MTTP: variants seen among roughly 807,000 people sequenced by gnomAD.
MTTP encodes microsomal triglyceride transfer protein.
In MTTP, 49 loss-of-function variants were observed where a neutral mutation model predicts 90.6. That is an observed-to-expected ratio of 0.54 (90% CI 0.43 to 0.69). The LOEUF (loss-of-function observed/expected upper bound fraction) is 0.69, where lower values mean the gene tolerates loss of function less well. Among genes scored for constraint, MTTP ranks in the 30% least tolerant of loss-of-function variants. The pLI, the probability that MTTP is intolerant of heterozygous loss-of-function variation, is 0.00. For missense variants in MTTP, 945 were observed against 1,067.5 expected, an observed-to-expected ratio of 0.89 and a Z score of 1.60; for synonymous variants, 347 against 384.2, an observed-to-expected ratio of 0.90 and a Z score of 1.13.
rs1726284240 is a variant in MTTP, at chr4:99,623,168, A to C, written c.*320A>C. On this transcript the variant is annotated 3_prime_UTR_variant, in exon 18 of 18. Coordinates refer to ENST00000265517, the MANE Select transcript of MTTP (RefSeq NM_001386140.1). The stretch of plus-strand genomic sequence containing the variant: ...GTTTGTTAAAAACAAAAATAAAAAC[A>C]AAACCACACAAGGAGAACCCAATTT... 2.7e-6 allele frequency: 1 copy of C among 365,790 alleles called. No homozygotes were observed. The highest frequency in any genetic ancestry group is 2.6e-5 in the South Asian group (1 of 38,184). The allele number at this position is 365,790 out of a possible 1,614,324, so 22.7% of individuals were successfully genotyped here. A position where few individuals can be genotyped will look rare whatever the true frequency, so the allele number is the denominator to read the frequency against.
At chr4:99,619,386 A>G (rs1726176937) in intron 16 of MTTP, among the ~76,000 whole-genome samples, 1 of 152,178 alleles carries the variant, frequency 6.6e-6, no homozygotes, top group Non-Finnish European at 1.5e-5. Context: ...TTGGTATTCC[A>G]CCAAGAGAAG....
At chr4:99,594,456 T>C (rs767465431) in intron 6 of MTTP, among the ~76,000 whole-genome samples, 12 of 152,198 alleles carry the variant, frequency 7.9e-5, no homozygotes, top group Non-Finnish European at 1.8e-4. Context: ...ACATTGCATA[T>C]CTTATTCATC....
At chr4:99,617,011 G>T (rs1323555704) in intron 15 of MTTP, among the ~76,000 whole-genome samples, 1 of 152,134 alleles carries the variant, frequency 6.6e-6, no homozygotes, top group Non-Finnish European at 1.5e-5. Flanking sequence ...AGAAAAAGAT[G>T]CAAAGAAAGG....
chr4:99,575,478 G>A (rs1017809527), intron 1 of MTTP, among the ~76,000 whole-genome samples: 1 of 151,894 alleles, frequency 6.6e-6, no homozygotes, highest in African/African-American at 2.4e-5. Context: ...ATTTAATTCC[G>A]TTACAATTAA....
In MTTP at chr4:99,623,399, A is replaced by G. The variant is rs908026343; in HGVS notation, c.*551A>G. Reference sequence around the variant, plus strand: ...TTAAAAGACTTGTTAGCCAACTTCAAGAATTAATATTTATGTCTCTGTTAT... The same window carrying G: ...TTAAAAGACTTGTTAGCCAACTTCAGGAATTAATATTTATGTCTCTGTTAT... On this transcript the variant is annotated 3_prime_UTR_variant, in exon 18 of 18. Coordinates refer to ENST00000265517, the MANE Select transcript of MTTP (RefSeq NM_001386140.1). The G allele has an allele frequency of 6.3e-6, 1 of 159,540 alleles. No homozygotes were observed. The highest frequency in any genetic ancestry group is 1.4e-5 in the Non-Finnish European group (1 of 72,602). The allele number at this position is 159,540 out of a possible 1,614,324, so 9.9% of individuals were successfully genotyped here. A position where few individuals can be genotyped will look rare whatever the true frequency, so the allele number is the denominator to read the frequency against.
Position 99,594,841 on chromosome 4 carries a change from T to G in MTTP, c.867T>G (p.Ile289Met). ...ATTCAAAGTACACGGCCATTCCCATTGTGGGGCAGGTCTTCCAGAGCCACT... is the reference window on the plus strand; with the variant it reads ...ATTCAAAGTACACGGCCATTCCCATGGTGGGGCAGGTCTTCCAGAGCCACT... ...AVDSKYTAIP[I>M]VGQVFQSHCK... The change falls in exon 7 of 18, where the codon ATT becomes ATG. Residue 289 changes from isoleucine (I) to methionine (M), a missense_variant. Coordinates refer to ENST00000265517, the MANE Select transcript of MTTP (RefSeq NM_001386140.1). The G allele has an allele frequency of 6.2e-7, 1 of 1,614,018 alleles. No homozygotes were observed. The highest frequency in any genetic ancestry group is 8.5e-7 in the Non-Finnish European group (1 of 1,179,916).
At chr4:99,597,557 T>G (rs77290806) in intron 8 of MTTP, among the ~76,000 whole-genome samples, 3,536 of 152,284 alleles carry the variant, frequency 0.023, 107 homozygotes, top group Middle Eastern at 0.096. Flanking sequence ...GTTTTTGAAA[T>G]TATGTTCCTC....
At chr4:99,565,330 G>T (rs370785544) in intron 1 of MTTP, among the ~76,000 whole-genome samples, 2 of 152,060 alleles carry the variant, frequency 1.3e-5, no homozygotes, top group Non-Finnish European at 2.9e-5. Context: ...TTCTAATAAT[G>T]AAGTCAATAA....
intron 1 of MTTP, among the ~76,000 whole-genome samples, chr4:99,581,230 A>C (rs1157569122): frequency 6.6e-6 from 1 of 152,226 alleles, no homozygotes; most frequent in Non-Finnish European, 1.5e-5. Context: ...CTTGGCTCAC[A>C]GTACAGATTT....
intron 10 of MTTP, among the ~76,000 whole-genome samples, chr4:99,602,402 T>C (rs80211151): frequency 0.024 from 3,693 of 152,162 alleles, 82 homozygotes; most frequent in Non-Finnish European, 0.037. Flanking sequence ...ATAATGCAAA[T>C]AAAGATGCTA....
At chr4:99,621,282 G>A (rs374562614) in intron 17 of MTTP, 51 bp downstream of exon 17, 43 of 1,581,470 alleles carry the variant, frequency 2.7e-5, no homozygotes, top group Non-Finnish European at 3.6e-5. Context: ...AGTGCACCAG[G>A]AACTTGCATT....
chr4:99,566,515 T>C (rs1724706701), intron 1 of MTTP, among the ~76,000 whole-genome samples: 1 of 152,046 alleles, frequency 6.6e-6, no homozygotes, highest in Non-Finnish European at 1.5e-5. Context: ...AGGTAGCAAA[T>C]GAGAGAAGCG....
chr4:99,573,824 T>C (rs1238059871), upstream of MTTP, among the ~76,000 whole-genome samples: 1 of 152,190 alleles, frequency 6.6e-6, no homozygotes, highest in Non-Finnish European at 1.5e-5. Flanking sequence ...TGCTGGCACA[T>C]TTTTTCCCTT....
chr4:99,590,862 CACCA>C (rs916437483), intron 4 of MTTP, among the ~76,000 whole-genome samples: 4 of 143,936 alleles, frequency 2.8e-5, no homozygotes, highest in South Asian at 2.1e-4. Context: ...CACACACACA[CACCA>C]CACACACACA....
chr4:99,579,020 T>G (rs1410013032), intron 1 of MTTP, among the ~76,000 whole-genome samples: 1 of 152,180 alleles, frequency 6.6e-6, no homozygotes, highest in Non-Finnish European at 1.5e-5. Context: ...GCAGAAGACA[T>G]AGAGATAAGA....
intron 5 of MTTP, 87 bp downstream of exon 5, chr4:99,591,438 A>G (rs1455253520): frequency 8.0e-7 from 1 of 1,247,568 alleles, no homozygotes; most frequent in African/African-American, 1.5e-5. Context: ...TAAAGTAGAA[A>G]TAGAATTTTG....
chr4:99,620,903 G>A, intron 16 of MTTP, 158 bp from the exon 17 acceptor site: 2 of 692,402 alleles, frequency 2.9e-6, no homozygotes, highest in Non-Finnish European at 2.4e-6. Context: ...CTGGTTACCA[G>A]CAGAACTCTA....
At chr4:99,620,962 C>G (rs573698308) in intron 16 of MTTP, 99 bp from the exon 17 acceptor site, 1 of 1,143,572 alleles carries the variant, frequency 8.7e-7, no homozygotes, top group Non-Finnish European at 1.3e-6. Context: ...CTTCCAGTCA[C>G]TGGCATCATA....
chr4:99,608,109 G>A (rs1214429723), intron 11 of MTTP, among the ~76,000 whole-genome samples: 1 of 152,136 alleles, frequency 6.6e-6, no homozygotes, highest in African/African-American at 2.4e-5. Flanking sequence ...ACCAGGTTAT[G>A]CTGCAATAAA....
Sources: gnomAD v4.1 joint callset for allele counts (sites outside exome capture counted in the v4.1 genomes callset) on GRCh38, gnomAD v4.1.1 for gene constraint, MANE v1.5 for transcripts, NCBI Gene and HGNC (gene_info 2026-07-23, HGNC 2026-07-21) for gene names.